Variants in CCDC91 observed in about 807,000 individuals in gnomAD.
The protein encoded by CCDC91 is coiled-coil domain-containing protein 91.
A neutral mutation model predicts 63.2 loss-of-function variants in CCDC91; 48 were observed. The ratio of observed to expected loss-of-function variants is 0.76; its 90% CI spans 0.60 to 0.97. The LOEUF is 0.97. Among genes scored for constraint, CCDC91 ranks in the 50% least tolerant of loss-of-function variants. The pLI, the probability that CCDC91 is intolerant of heterozygous loss-of-function variation, is 0.00. For synonymous variants in CCDC91, 167 were observed against 165.8 expected, an observed-to-expected ratio of 1.01 and a Z score of -0.06; for missense variants, 500 against 494.6, an observed-to-expected ratio of 1.01 and a Z score of -0.10.
chr12:28,210,156 T>C (rs1309658827), intron 1 of CCDC91, among the ~76,000 whole-genome samples: 1 of 152,220 alleles, frequency 6.6e-6, no homozygotes, highest in Non-Finnish European at 1.5e-5. Flanking sequence ...GCTAGGGAAC[T>C]TGGCTAATTC....
intron 3 of CCDC91, among the ~76,000 whole-genome samples, chr12:28,274,126 G>A (rs561140388): frequency 1.3e-5 from 2 of 152,192 alleles, no homozygotes; most frequent in Non-Finnish European, 2.9e-5. Flanking sequence ...GTTTTTCTCA[G>A]GTTTGTCAAA....
intron 1 of CCDC91, among the ~76,000 whole-genome samples, chr12:28,237,235 T>TACACACACACACACAC (rs58134900): frequency 0.11 from 15,729 of 142,938 alleles, 1,227 homozygotes; most frequent in East Asian, 0.35. Flanking sequence ...GTATTACACA[T>TACACACACACACACAC]ACACACACAC....
rs750741680 is a variant in CCDC91, at chr12:28,307,629, T to C, written c.472-16T>C. 1 of 1,290,542 alleles carries C rather than the reference T, an allele frequency of 7.7e-7. No homozygotes were observed. Among genetic ancestry groups the C allele is most frequent in the Non-Finnish European group, 1.1e-6 (1 of 919,992 alleles). 79.9% of individuals were successfully genotyped at this position (1,290,542 alleles called of 1,614,324 possible). A position where few individuals can be genotyped will look rare whatever the true frequency, so the allele number is the denominator to read the frequency against. ...CATTAAATATTACAAAGCTTGTATT[T>C]GTATTTTTATTTTAGGATGTGGAAT... On this transcript the variant is annotated splice_polypyrimidine_tract_variant and intron_variant, in intron 5 of 12. Transcript: ENST00000536442.
intron 8 of CCDC91, among the ~76,000 whole-genome samples, chr12:28,393,927 C>T (rs1005329522): frequency 8.6e-5 from 13 of 152,012 alleles, no homozygotes; most frequent in African/African-American, 2.7e-4. Context: ...TTCTACACAC[C>T]AGAAATGACA....
chr12:28,425,815 C>G (rs537222690), intron 8 of CCDC91, among the ~76,000 whole-genome samples: 277 of 152,188 alleles, frequency 1.8e-3, no homozygotes, highest in Middle Eastern at 6.8e-3. Flanking sequence ...GTGGTACTTC[C>G]CCAGACCTAC....
intron 8 of CCDC91, among the ~76,000 whole-genome samples, chr12:28,413,805 C>G (rs1947472385): frequency 6.6e-6 from 1 of 152,160 alleles, no homozygotes; most frequent in Admixed American, 6.5e-5. Flanking sequence ...TGAAATAATA[C>G]TTTTCAAATT....
intron 1 of CCDC91, among the ~76,000 whole-genome samples, chr12:28,252,703 T>G (rs1219601333): frequency 1.3e-5 from 2 of 152,130 alleles, no homozygotes; most frequent in Non-Finnish European, 2.9e-5. Flanking sequence ...TGGATAGTCT[T>G]TGTTTATTTC....
At chr12:28,400,715 T>G (rs972431217) in intron 8 of CCDC91, among the ~76,000 whole-genome samples, 5 of 152,132 alleles carry the variant, frequency 3.3e-5, no homozygotes, top group African/African-American at 1.2e-4. Flanking sequence ...GCTTAGAAAT[T>G]TCTTCCACTA....
intron 3 of CCDC91, among the ~76,000 whole-genome samples, chr12:28,273,991 T>G (rs1250611886): frequency 1.3e-5 from 2 of 152,236 alleles, no homozygotes; most frequent in Non-Finnish European, 2.9e-5. Context: ...ATTTAAGTCT[T>G]TAATCCATCT....
chr12:28,489,446 C>A (rs1378661601), intron 12 of CCDC91, among the ~76,000 whole-genome samples: 2 of 151,820 alleles, frequency 1.3e-5, no homozygotes, highest in Non-Finnish European at 2.9e-5. Flanking sequence ...TCCAACCCAT[C>A]CCACAAGTTA....
intron 6 of CCDC91, among the ~76,000 whole-genome samples, chr12:28,346,491 T>G (rs1453362514): frequency 6.6e-6 from 1 of 152,200 alleles, no homozygotes; most frequent in Non-Finnish European, 1.5e-5. Context: ...GGGCCTATAT[T>G]TGTCTATTGT....
At chr12:28,303,350 C>T (rs1252320824) in intron 3 of CCDC91, among the ~76,000 whole-genome samples, 1 of 151,964 alleles carries the variant, frequency 6.6e-6, no homozygotes, top group East Asian at 1.9e-4. Flanking sequence ...TGTCCTCCTT[C>T]AACCTCTCCC....
At chr12:28,342,354 T>C (rs1299169165) in intron 6 of CCDC91, among the ~76,000 whole-genome samples, 1 of 152,164 alleles carries the variant, frequency 6.6e-6, no homozygotes, top group Non-Finnish European at 1.5e-5. Context: ...CCACCGAGTT[T>C]ATAGTAATTT....
In CCDC91 at chr12:28,536,042, A is replaced by AT. The variant is rs370331903; in HGVS notation, c.1216-13021_1216-13020insT. ...AGACTCCATCTCAAAAAAAAAAAAAAATATATATTGTGGGAAATGGAAAGT... is the reference window on the plus strand; with the variant it reads ...AGACTCCATCTCAAAAAAAAAAAAAATATATATATTGTGGGAAATGGAAAGT... On this transcript the variant is annotated intron_variant, in intron 12 of 12. Coordinates refer to ENST00000536442, the MANE Select transcript of CCDC91 (RefSeq NM_018318.5). 5.3e-3 allele frequency among the ~76,000 whole-genome samples: 799 copies of AT among 150,954 alleles called. 3 individuals are homozygous for AT. The highest frequency in any genetic ancestry group is 7.5e-3 in the Non-Finnish European group (507 of 67,736).
chr12:28,378,880 G>A (rs1250406377), intron 7 of CCDC91, among the ~76,000 whole-genome samples: 2 of 152,048 alleles, frequency 1.3e-5, no homozygotes, highest in East Asian at 1.9e-4. Flanking sequence ...AGAAAGATTT[G>A]GTAGTTGAGA....
At chr12:28,292,313 G>A (rs575284105) in intron 3 of CCDC91, among the ~76,000 whole-genome samples, 10 of 152,204 alleles carry the variant, frequency 6.6e-5, no homozygotes, top group South Asian at 2.1e-4. Context: ...AAAGTCTACC[G>A]TTTTCAATTT....
intron 1 of CCDC91, among the ~76,000 whole-genome samples, chr12:28,226,784 G>A (rs1315098020): frequency 1.3e-5 from 2 of 151,988 alleles, no homozygotes; most frequent in Non-Finnish European, 2.9e-5. Flanking sequence ...TACATTTAGT[G>A]GTCATATCTC....
intron 1 of CCDC91, among the ~76,000 whole-genome samples, chr12:28,252,476 C>G (rs993132770): frequency 2.6e-5 from 4 of 151,548 alleles, no homozygotes; most frequent in African/African-American, 9.7e-5. Flanking sequence ...TTCTCTTATA[C>G]TTTTTTAAAA....
At chr12:28,198,065 A>AT (rs1180732450) in intron 1 of CCDC91, among the ~76,000 whole-genome samples, 1 of 152,164 alleles carries the variant, frequency 6.6e-6, no homozygotes, top group Non-Finnish European at 1.5e-5. Context: ...ACATTTTGGT[A>AT]TTTACATTTC....
Sources: gnomAD v4.1 joint callset for allele counts (sites outside exome capture counted in the v4.1 genomes callset) on GRCh38, gnomAD v4.1.1 for gene constraint, MANE v1.5 for transcripts, NCBI Gene and HGNC (gene_info 2026-07-23, HGNC 2026-07-21) for gene names.